The following CRIM1 variants were observed in gnomAD, a reference collection of about 807,000 sequenced individuals.
CRIM1 encodes the protein cysteine rich transmembrane BMP regulator 1.
In CRIM1, 32 loss-of-function variants were observed where a neutral mutation model predicts 116.4. The ratio of observed to expected loss-of-function variants is 0.27; its 90% CI spans 0.21 to 0.37. The LOEUF is 0.37. CRIM1 is among the 10% of genes least tolerant of loss of function. CRIM1 has a pLI of 1.00. For synonymous variants in CRIM1, 590 were observed against 509.2 expected (o/e 1.16, Z -2.13); for missense variants, 1,331 against 1,354.8 (o/e 0.98, Z 0.28).
At chr2:36,490,259 G>C (rs1680131852) in intron 7 of CRIM1, among the ~76,000 whole-genome samples, 1 of 152,198 alleles carries the variant, frequency 6.6e-6, no homozygotes, top group Non-Finnish European at 1.5e-5. Context: ...TAATGTTGCT[G>C]TCACCCTTAC....
intron 2 of CRIM1, among the ~76,000 whole-genome samples, chr2:36,414,904 G>A (rs1283529563): frequency 2.0e-5 from 3 of 152,190 alleles, no homozygotes; most frequent in East Asian, 1.9e-4. Flanking sequence ...CCATGAAAGA[G>A]TTTGAAGCTT....
At chr2:36,494,735 A>G (rs902453425) in intron 7 of CRIM1, among the ~76,000 whole-genome samples, 10 of 152,174 alleles carry the variant, frequency 6.6e-5, no homozygotes, top group African/African-American at 1.4e-4. Flanking sequence ...TAGGCTCAGA[A>G]TATTTTAGAA....
At chr2:36,444,408 G>T (rs768405153) in intron 4 of CRIM1, among the ~76,000 whole-genome samples, 4 of 152,208 alleles carry the variant, frequency 2.6e-5, no homozygotes, top group Non-Finnish European at 5.9e-5. Flanking sequence ...TTTCCGTCTG[G>T]ATGGCCACCT....
intron 1 of CRIM1, among the ~76,000 whole-genome samples, chr2:36,382,472 T>C (rs369492316): frequency 1.5e-5 from 2 of 136,358 alleles, no homozygotes; most frequent in East Asian, 5.0e-4. Context: ...ATGCCACACA[T>C]CCTGTCTGAA....
intron 1 of CRIM1, among the ~76,000 whole-genome samples, chr2:36,357,646 T>A (rs1668942877): frequency 6.6e-6 from 1 of 152,112 alleles, no homozygotes; most frequent in African/African-American, 2.4e-5. Context: ...TCGGTAAGCA[T>A]CAGTTAAAAG....
chr2:36,463,914 C>T (rs560312064), intron 4 of CRIM1, among the ~76,000 whole-genome samples: 7 of 152,238 alleles, frequency 4.6e-5, no homozygotes, highest in African/African-American at 1.7e-4. Flanking sequence ...ACAGCTTAGG[C>T]CCTCTCTTTA....
intron 2 of CRIM1, among the ~76,000 whole-genome samples, chr2:36,437,575 A>AAT (rs1558583037): frequency 6.6e-6 from 1 of 151,558 alleles, no homozygotes; most frequent in African/African-American, 2.4e-5. Flanking sequence ...GATTATATTA[A>AAT]TAAAGAGAAA....
At chr2:36,361,932 C>G (rs1405713557) in intron 1 of CRIM1, among the ~76,000 whole-genome samples, 1 of 152,116 alleles carries the variant, frequency 6.6e-6, no homozygotes, top group South Asian at 2.1e-4. Context: ...AGCTTTCCTT[C>G]TCAGAGGTCT....
intron 4 of CRIM1, among the ~76,000 whole-genome samples, chr2:36,463,835 G>A (rs544594173): frequency 2.0e-5 from 3 of 152,282 alleles, no homozygotes; most frequent in African/African-American, 7.2e-5. Flanking sequence ...CGATGCTCAG[G>A]TGGGAGCTTA....
intron 5 of CRIM1, among the ~76,000 whole-genome samples, chr2:36,466,885 T>C (rs370144161): frequency 2.6e-5 from 4 of 152,352 alleles, no homozygotes. Context: ...TGCTGGTGTT[T>C]CCTATGGGTG....
chr2:36,359,668 T>A (rs966167059), intron 1 of CRIM1, among the ~76,000 whole-genome samples: 1 of 152,238 alleles, frequency 6.6e-6, no homozygotes, highest in African/African-American at 2.4e-5. Context: ...CCATGTGAGA[T>A]GTGCACTTGG....
intron 7 of CRIM1, among the ~76,000 whole-genome samples, chr2:36,488,624 T>C (rs1680005948): frequency 6.6e-6 from 1 of 152,232 alleles, no homozygotes; most frequent in Non-Finnish European, 1.5e-5. Context: ...ACCAAATTTT[T>C]ATTTACCATT....
intron 1 of CRIM1, among the ~76,000 whole-genome samples, chr2:36,372,920 T>A (rs1475205351): frequency 6.6e-6 from 1 of 152,178 alleles, no homozygotes; most frequent in African/African-American, 2.4e-5. Flanking sequence ...CAGTGAAGAT[T>A]TAAGCAAGGT....
chr2:36,372,398 A>G (rs371791394), intron 1 of CRIM1, among the ~76,000 whole-genome samples: 8 of 152,180 alleles, frequency 5.3e-5, no homozygotes, highest in East Asian at 1.9e-4. Flanking sequence ...AGCACTAGTT[A>G]TAAGTTCTTT....
At chr2:36,535,135 A>AGG (rs111870049) in intron 13 of CRIM1, among the ~76,000 whole-genome samples, 2,422 of 95,318 alleles carry the variant, frequency 0.025, 23 homozygotes, top group Middle Eastern at 0.052. Flanking sequence ...GAGGGAGGGA[A>AGG]GGGGAAGGAA....
At chr2:36,365,836 C>T (rs940297253) in intron 1 of CRIM1, among the ~76,000 whole-genome samples, 2 of 150,956 alleles carry the variant, frequency 1.3e-5, no homozygotes, top group African/African-American at 2.4e-5. Flanking sequence ...CTGGTTCAAG[C>T]GATTCTCCTG....
chr2:36,509,640 T>C (rs1572895644), intron 8 of CRIM1, among the ~76,000 whole-genome samples: 2 of 152,208 alleles, frequency 1.3e-5, no homozygotes, highest in East Asian at 3.9e-4. Flanking sequence ...TGGTCATCAG[T>C]GGTTTGAAGT....
rs1261661576 is a variant in CRIM1, at chr2:36,510,042, C to T, written c.1561C>T (p.Leu521Phe). ...GCTLNCPFGF[L>F]TDAQNCEICE... is the part of the protein sequence containing the mutation. ...CACCTTGAACTGTCCCTTCGGTTTC[C>T]TTACTGATGCCCAAAACTGTGAGAT... The change falls in exon 9 of 17, where the codon CTT (leucine) becomes TTT (phenylalanine). Residue 521 changes from leucine to phenylalanine, a missense_variant. By Grantham distance (22) the Leu-to-Phe change is conservative. Transcript: ENST00000280527. 1.9e-6 allele frequency: 3 copies of T among 1,614,072 alleles called. No individual in the cohort carries two copies. Among genetic ancestry groups the T allele is most frequent in the African/African-American group, 2.7e-5 (2 of 74,942 alleles).
chr2:36,370,304 A>G lies in CRIM1; in HGVS notation c.331+13681A>G, dbSNP rs530322211. 2.0e-5 allele frequency among the ~76,000 whole-genome samples: 3 copies of G among 152,064 alleles called. No individual in the cohort carries two copies. In the South Asian group the frequency reaches 6.2e-4, roughly 32 times the overall value. ...AAAGAAGCAGCAGAAATTTACAGTG[A>G]GAAATGGAAGACCTCTGTAGGTAAA... On this transcript the variant is annotated intron_variant, in intron 1 of 16. Coordinates refer to ENST00000280527, the MANE Select transcript of CRIM1 (RefSeq NM_016441.3).
Sources: allele counts gnomAD v4.1 joint callset (sites outside exome capture counted in the v4.1 genomes callset), GRCh38; gene constraint gnomAD v4.1.1; transcripts MANE v1.5; gene names NCBI Gene and HGNC (gene_info 2026-07-23, HGNC 2026-07-21).